Variants in TMEM108 observed in about 807,000 individuals in gnomAD.
The protein encoded by TMEM108 is cancer/testis antigen 124.
A neutral mutation model predicts 35.1 loss-of-function variants in TMEM108; 12 were observed. The observed-to-expected ratio is 0.34, with a 90% CI of 0.22 to 0.55. The LOEUF is 0.55. TMEM108 is among the 20% of genes least tolerant of loss of function. The pLI is 0.89. For synonymous variants in TMEM108, 287 were observed against 308.6 expected, an observed-to-expected ratio of 0.93 and a Z score of 0.73; for missense variants, 680 against 753.3, an observed-to-expected ratio of 0.90 and a Z score of 1.14.
chr3:133,382,724 T>C (rs1331965014), intron 4 of TMEM108, among the ~76,000 whole-genome samples: 1 of 152,252 alleles, frequency 6.6e-6, no homozygotes, highest in African/African-American at 2.4e-5. Context: ...TCCCAGCTTT[T>C]CCTCCTGCTC....
chr3:133,315,699 A>G (rs1002335159), intron 3 of TMEM108, among the ~76,000 whole-genome samples: 2 of 152,266 alleles, frequency 1.3e-5, no homozygotes, highest in East Asian at 1.9e-4. Context: ...AGTCTGTCTC[A>G]GAAATAAAGA....
chr3:133,297,089 T>C (rs1056523192), intron 3 of TMEM108, among the ~76,000 whole-genome samples: 3 of 152,230 alleles, frequency 2.0e-5, no homozygotes, highest in Non-Finnish European at 4.4e-5. Flanking sequence ...AGTAGCTTTT[T>C]CTTAAATGCA....
intron 2 of TMEM108, among the ~76,000 whole-genome samples, chr3:133,055,122 T>C (rs945709712): frequency 6.6e-6 from 1 of 152,204 alleles, no homozygotes; most frequent in Admixed American, 6.5e-5. Context: ...ATCCCCTGTA[T>C]TGAATTTTTA....
chr3:133,238,410 C>G (rs967621964), intron 3 of TMEM108, among the ~76,000 whole-genome samples: 1 of 152,126 alleles, frequency 6.6e-6, no homozygotes, highest in Non-Finnish European at 1.5e-5. Context: ...ATTTTATGAA[C>G]CACTAAAAAA....
At chr3:133,178,722 G>A (rs573952549) in intron 2 of TMEM108, among the ~76,000 whole-genome samples, 1 of 152,236 alleles carries the variant, frequency 6.6e-6, no homozygotes, top group Non-Finnish European at 1.5e-5. Context: ...GAAAACCTAG[G>A]CAATACCATT....
intron 2 of TMEM108, among the ~76,000 whole-genome samples, chr3:133,141,566 C>T (rs1039932089): frequency 3.9e-5 from 6 of 152,092 alleles, no homozygotes; most frequent in Non-Finnish European, 8.8e-5. Flanking sequence ...TGGGATGAGC[C>T]TGCTGGTAAA....
rs539495155 is a variant in TMEM108 at position 133,235,217 on chromosome 3, A to G, written c.40+5866A>G. On this transcript the variant is annotated intron_variant, in intron 3 of 5. Transcript: ENST00000321871. ...GATTCAATGCCATCCCCATCAAGCT[A>G]CCAATGACTTTCTTCACAGAATTGG... is the stretch of plus-strand genomic sequence containing the variant. Among the ~76,000 whole-genome samples the G allele has an allele frequency of 2.9e-3, 443 of 152,250 alleles. 3 individuals carry two copies. Among genetic ancestry groups the G allele is most frequent in the African/African-American group, 0.01 (422 of 41,558 alleles).
intron 2 of TMEM108, among the ~76,000 whole-genome samples, chr3:133,050,433 T>C (rs1174981253): frequency 1.3e-5 from 2 of 152,152 alleles, no homozygotes; most frequent in Non-Finnish European, 2.9e-5. Flanking sequence ...TCCCTATACA[T>C]GCATGGCCTC....
chr3:133,262,753 G>A (rs1456654739), intron 3 of TMEM108, among the ~76,000 whole-genome samples: 1 of 152,230 alleles, frequency 6.6e-6, no homozygotes, highest in African/African-American at 2.4e-5. Context: ...ATGCACACAA[G>A]AGAAGATATG....
Position 133,380,305 on chromosome 3 carries a change from A to T in TMEM108, c.594A>T (p.Arg198=). ...ACTCCAGGAGTAAAGAAGGACAGCG[A>T]GGACGAAATCCAAGCTCCACACCTC... The part of the protein sequence containing the change: ...GGHSRSKEGQ[R]GRNPSSTPLG... The change falls in exon 4 of 6, where the codon CGA becomes CGT. Residue 198 remains arginine (R), a synonymous_variant. Coordinates refer to ENST00000321871, the MANE Select transcript of TMEM108 (RefSeq NM_023943.4). This position sits in a 1 kb window ranked among gnomAD's most constrained non-coding sequence, Gnocchi z 5.3. 1 of 1,614,144 alleles carries T rather than the reference A, an allele frequency of 6.2e-7. No individual in the cohort carries two copies. Among genetic ancestry groups the T allele is most frequent in the East Asian group, 2.2e-5 (1 of 44,870 alleles).
At chr3:133,234,900 A>G (rs927693240) in intron 3 of TMEM108, among the ~76,000 whole-genome samples, 4 of 152,172 alleles carry the variant, frequency 2.6e-5, no homozygotes, top group African/African-American at 9.7e-5. Context: ...AGCAACTTCA[A>G]CAGTCTCAGG....
chr3:133,354,771 G>C (rs62280866), intron 3 of TMEM108, among the ~76,000 whole-genome samples: 1 of 151,086 alleles, frequency 6.6e-6, no homozygotes, highest in African/African-American at 2.4e-5. Flanking sequence ...GCAGAAGCTT[G>C]TCACATTCTA....
chr3:133,149,651 AT>A (rs1191844754), intron 2 of TMEM108, among the ~76,000 whole-genome samples: 7 of 152,138 alleles, frequency 4.6e-5, no homozygotes, highest in Admixed American at 1.3e-4. Context: ...AGGTTCATCT[AT>A]GTTTCAGCGA....
intron 3 of TMEM108, among the ~76,000 whole-genome samples, chr3:133,377,558 A>T (rs1339583871): frequency 6.6e-6 from 1 of 152,174 alleles, no homozygotes; most frequent in Non-Finnish European, 1.5e-5. Flanking sequence ...ATGTTGCCTA[A>T]TCTCCCCAAA....
chr3:133,381,939 G>A (rs1170397363), intron 4 of TMEM108, among the ~76,000 whole-genome samples: 3 of 151,854 alleles, frequency 2.0e-5, no homozygotes, highest in African/African-American at 7.3e-5. Context: ...GCCCTCCCAA[G>A]GCCACCAGCT....
chr3:133,287,605 G>A (rs1357698623), intron 3 of TMEM108, among the ~76,000 whole-genome samples: 1 of 152,110 alleles, frequency 6.6e-6, no homozygotes, highest in Non-Finnish European at 1.5e-5. Context: ...TATAATGATG[G>A]TAGATGATAA....
At chr3:133,207,734 C>T (rs1022309734) in intron 2 of TMEM108, among the ~76,000 whole-genome samples, 2 of 152,252 alleles carry the variant, frequency 1.3e-5, no homozygotes, top group South Asian at 2.1e-4. Context: ...TGTTTTAATG[C>T]TCCCCTCCAT....
chr3:133,096,738 C>G (rs1489533544), intron 2 of TMEM108, among the ~76,000 whole-genome samples: 2 of 152,192 alleles, frequency 1.3e-5, no homozygotes, highest in African/African-American at 4.8e-5. Context: ...GTGCAGTTTT[C>G]TGTGGATTAT....
At chr3:133,060,352 G>A (rs1390535895) in intron 2 of TMEM108, among the ~76,000 whole-genome samples, 1 of 152,168 alleles carries the variant, frequency 6.6e-6, no homozygotes, top group African/African-American at 2.4e-5. Flanking sequence ...TAGCTCACAC[G>A]TAGTAGAGCA....
Sources: gnomAD v4.1 joint callset for allele counts (sites outside exome capture counted in the v4.1 genomes callset) on GRCh38, gnomAD v4.1.1 for gene constraint, Gnocchi (gnomAD v3.1) non-coding constraint, MANE v1.5 for transcripts, NCBI Gene and HGNC (gene_info 2026-07-23, HGNC 2026-07-21) for gene names.